PTPRN2: variants seen among roughly 807,000 people sequenced by gnomAD.
PTPRN2 encodes protein tyrosine phosphatase receptor type N2, also known as receptor-type tyrosine-protein phosphatase N2.
In PTPRN2, 74 loss-of-function variants were observed where a neutral mutation model predicts 118.8. The observed-to-expected ratio is 0.62, with a 90% confidence interval of 0.52 to 0.76. The LOEUF is 0.76. Among genes scored for constraint, PTPRN2 ranks in the 30% least tolerant of loss-of-function variants. The pLI is 0.00. For synonymous variants in PTPRN2, 641 were observed against 608.0 expected, an observed-to-expected ratio of 1.05 and a Z score of -0.80; for missense variants, 1,481 against 1,394.4, an observed-to-expected ratio of 1.06 and a Z score of -0.99.
chr7:158,148,392 C>T (rs1240729799), intron 6 of PTPRN2, among the ~76,000 whole-genome samples: 14 of 115,832 alleles, frequency 1.2e-4, no homozygotes, highest in East Asian at 5.0e-4. Context: ...GTGTCTTTCC[C>T]CCTCAATGAC....
intron 11 of PTPRN2, among the ~76,000 whole-genome samples, chr7:158,042,636 G>A (rs914346068): frequency 4.6e-5 from 7 of 152,148 alleles, no homozygotes; most frequent in African/African-American, 1.7e-4. Context: ...TGCAAGCTTC[G>A]GGAGGGCAGG....
chr7:157,707,382 C>A (rs1798387487), intron 12 of PTPRN2, among the ~76,000 whole-genome samples: 1 of 151,948 alleles, frequency 6.6e-6, no homozygotes, highest in Non-Finnish European at 1.5e-5. Flanking sequence ...CGTGCATGGA[C>A]ACCCCCCCCA....
intron 11 of PTPRN2, among the ~76,000 whole-genome samples, chr7:157,938,657 C>T (rs1461167134): frequency 1.3e-5 from 2 of 152,042 alleles, no homozygotes; most frequent in African/African-American, 2.4e-5. Context: ...TTAAATGTGA[C>T]GTGTTTAAGT....
chr7:158,282,178 C>CTTT (rs5888743), intron 3 of PTPRN2, among the ~76,000 whole-genome samples: 84 of 142,104 alleles, frequency 5.9e-4, no homozygotes, highest in Middle Eastern at 3.7e-3. Flanking sequence ...GTGGCTCTGC[C>CTTT]TTTTTTTTTT....
At chr7:157,726,717 A>C (rs1452262918) in intron 12 of PTPRN2, among the ~76,000 whole-genome samples, 1 of 152,210 alleles carries the variant, frequency 6.6e-6, no homozygotes, top group Non-Finnish European at 1.5e-5. Context: ...CGAAAAGACA[A>C]CCCATATAAA....
At chr7:158,072,120 G>A (rs1029747321) in intron 11 of PTPRN2, among the ~76,000 whole-genome samples, 5 of 147,966 alleles carry the variant, frequency 3.4e-5, no homozygotes, top group Admixed American at 2.0e-4. Flanking sequence ...TCATGGTGGT[G>A]GAGGTGCTCA....
chr7:158,269,853 C>T (rs961494151), intron 3 of PTPRN2, among the ~76,000 whole-genome samples: 2 of 151,030 alleles, frequency 1.3e-5, no homozygotes, highest in African/African-American at 4.9e-5. Flanking sequence ...GTCGGAGACA[C>T]AGAGACAGAG....
At chr7:157,732,130 G>A (rs367602010) in intron 12 of PTPRN2, among the ~76,000 whole-genome samples, 21 of 45,834 alleles carry the variant, frequency 4.6e-4, no homozygotes, top group Middle Eastern at 0.031. Context: ...ACTCTTTTCC[G>A]CCCCATGCGC....
chr7:158,249,258 C>T (rs867900057), intron 3 of PTPRN2, among the ~76,000 whole-genome samples: 7 of 151,646 alleles, frequency 4.6e-5, no homozygotes, highest in African/African-American at 1.5e-4. Context: ...CCTGCATGCA[C>T]ACGCATCACA....
chr7:158,282,037 G>A (rs1305164509), intron 3 of PTPRN2, among the ~76,000 whole-genome samples: 1 of 152,160 alleles, frequency 6.6e-6, no homozygotes, highest in Non-Finnish European at 1.5e-5. Flanking sequence ...CCTGTCTAGG[G>A]TTAGAGAACA....
chr7:157,778,671 A>C (rs912210051), intron 12 of PTPRN2, among the ~76,000 whole-genome samples: 1 of 151,416 alleles, frequency 6.6e-6, no homozygotes, highest in African/African-American at 2.4e-5. Context: ...ATGCCCACGT[A>C]AACATGTCCA....
At chr7:158,431,904 C>T (rs1399869468) in intron 2 of PTPRN2, among the ~76,000 whole-genome samples, 1 of 152,258 alleles carries the variant, frequency 6.6e-6, no homozygotes. Flanking sequence ...CCGGGACCTG[C>T]TCGTCCCTCT....
intron 2 of PTPRN2, among the ~76,000 whole-genome samples, chr7:158,337,465 A>C (rs1350410352): frequency 3.4e-5 from 5 of 145,330 alleles, no homozygotes; most frequent in African/African-American, 1.3e-4. Flanking sequence ...TCAAACCCAC[A>C]CTCTCACCAT....
At chr7:157,989,992 C>T (rs148542872) in intron 11 of PTPRN2, among the ~76,000 whole-genome samples, 309 of 152,238 alleles carry the variant, frequency 2.0e-3, no homozygotes, top group East Asian at 3.1e-3. Context: ...AGAGCTGCTT[C>T]GTGTCCCTTC....
intron 6 of PTPRN2, among the ~76,000 whole-genome samples, chr7:158,165,229 C>A (rs906006973): frequency 3.5e-4 from 38 of 107,128 alleles, no homozygotes; most frequent in Non-Finnish European, 6.8e-4. Flanking sequence ...AGTACCCACG[C>A]AAGTGCAGGA....
rs982923403 is a variant in PTPRN2, at chr7:157,609,111, G to A, written c.2345-5036C>T. ...TTCAACAATATTTCAGGCCGGCCGC[G>A]GTGGCTCACACCTATAATCCCAGTA... is the stretch of plus-strand genomic sequence containing the variant. On this transcript the variant is annotated intron_variant, in intron 15 of 22. Coordinates refer to ENST00000389418, the MANE Select transcript of PTPRN2 (RefSeq NM_002847.5). The surrounding 1 kb of genome is among the most constrained non-coding windows in gnomAD (Gnocchi z 4.9). Among the ~76,000 whole-genome samples the A allele has an allele frequency of 1.3e-5, 2 of 152,150 alleles. No individual in the cohort carries two copies. Among genetic ancestry groups the A allele is most frequent in the African/African-American group, 2.4e-5 (1 of 41,434 alleles).
At chr7:158,154,744 A>G (rs1430150803) in intron 6 of PTPRN2, among the ~76,000 whole-genome samples, 1 of 101,776 alleles carries the variant, frequency 9.8e-6, no homozygotes, top group African/African-American at 3.0e-5. Flanking sequence ...AATGAAAAAT[A>G]ACTTTAAAAA....
chr7:158,426,063 G>T (rs370232304), intron 2 of PTPRN2, among the ~76,000 whole-genome samples: 1 of 1,652 alleles, frequency 6.1e-4, no homozygotes, highest in Non-Finnish European at 8.8e-4. Flanking sequence ...AAAGACGCGG[G>T]GTCCGAGTCC....
At chr7:158,251,929 C>A (rs1477812333) in intron 3 of PTPRN2, among the ~76,000 whole-genome samples, 1 of 152,140 alleles carries the variant, frequency 6.6e-6, no homozygotes, top group African/African-American at 2.4e-5. Context: ...TGGGGACACA[C>A]AAGCAGGGCT....
Sources: gnomAD v4.1 joint callset for allele counts (sites outside exome capture counted in the v4.1 genomes callset) on GRCh38, gnomAD v4.1.1 for gene constraint, Gnocchi (gnomAD v3.1) non-coding constraint, MANE v1.5 for transcripts, NCBI Gene and HGNC (gene_info 2026-07-23, HGNC 2026-07-21) for gene names.